PTPRF: variants seen among roughly 807,000 people sequenced by gnomAD.
The protein encoded by PTPRF is receptor-type tyrosine-protein phosphatase F.
In PTPRF, 59 loss-of-function variants were observed where a neutral mutation model predicts 201.8. The ratio of observed to expected loss-of-function variants is 0.29; its 90% CI spans 0.24 to 0.36. PTPRF has a LOEUF of 0.36. Among genes scored for constraint, PTPRF ranks in the 10% least tolerant of loss-of-function variants. The pLI is 1.00. For missense variants in PTPRF, 2,132 were observed against 2,690.5 expected (o/e 0.79, Z 4.59); for synonymous variants, 1,088 against 1,089.7 (o/e 1.00, Z 0.03).
chr1:43,582,965 G>A lies in PTPRF; in HGVS notation c.679+4045G>A, dbSNP rs147457880. The A allele has an allele frequency of 1.0e-3, 655 of 654,910 alleles. 5 individuals are homozygous for A. The African/African-American group carries it at 0.01, about 10-fold the overall frequency. The allele number at this position is 654,910 out of a possible 1,614,324, so 40.6% of individuals were successfully genotyped here. On this transcript the variant is annotated intron_variant, in intron 7 of 33. Transcript: ENST00000359947. ...AGGAGTCTCGTCTCGTCTCCGTGCT[G>A]TGTGGGCAGATGAAGGTTGGCCTGT... is the stretch of plus-strand genomic sequence containing the variant.
chr1:43,573,791 A>G (rs1172882590), intron 6 of PTPRF, among the ~76,000 whole-genome samples: 1 of 152,086 alleles, frequency 6.6e-6, no homozygotes, highest in Non-Finnish European at 1.5e-5. Flanking sequence ...TTCTTTCAGA[A>G]TAGGTTAGGT....
At chr1:43,543,683 T>C (rs1243721879) in intron 2 of PTPRF, among the ~76,000 whole-genome samples, 1 of 152,218 alleles carries the variant, frequency 6.6e-6, no homozygotes, top group African/African-American at 2.4e-5. Flanking sequence ...TGGAGCACCT[T>C]TGAGCCCTGC....
chr1:43,562,466 C>T (rs569793598), intron 5 of PTPRF, among the ~76,000 whole-genome samples: 79 of 152,034 alleles, frequency 5.2e-4, no homozygotes, highest in African/African-American at 1.7e-3. Context: ...AGTGCAGTGG[C>T]GTGATCTCGG....
intron 2 of PTPRF, among the ~76,000 whole-genome samples, chr1:43,543,680 C>T (rs1034049016): frequency 1.3e-5 from 2 of 152,208 alleles, no homozygotes; most frequent in Admixed American, 6.5e-5. Flanking sequence ...GACTGGAGCA[C>T]CTTTGAGCCC....
chr1:43,598,516 G>T, intron 12 of PTPRF: 1 of 575,816 alleles, frequency 1.7e-6, no homozygotes, highest in South Asian at 2.3e-5. Context: ...AGAGGGGTGG[G>T]CAGGGCCAGT....
At chr1:43,621,542 A>T (rs555511865) in intron 33 of PTPRF, among the ~76,000 whole-genome samples, 1 of 152,324 alleles carries the variant, frequency 6.6e-6, no homozygotes, top group African/African-American at 2.4e-5. Flanking sequence ...AAATGCTGCA[A>T]CATTGCCTGT....
intron 11 of PTPRF, among the ~76,000 whole-genome samples, chr1:43,595,217 TTTTG>T (rs1212015517): frequency 6.6e-6 from 1 of 152,112 alleles, no homozygotes; most frequent in Non-Finnish European, 1.5e-5. Flanking sequence ...TTTGTTTTGT[TTTTG>T]TTTTTTTGAG....
rs68193223 is a variant in PTPRF at position 43,615,551 on chromosome 1, C to CTTTTTTTTTTTTT, written c.4071+1854_4072-1864dup. Reference sequence around the variant, plus strand: ...AGCCAGGACCCCATAGCTCTGTTGTCTTTTTTTTTTTTTTTTTTTTTTTTT... The same window carrying CTTTTTTTTTTTTT: ...AGCCAGGACCCCATAGCTCTGTTGTCTTTTTTTTTTTTTTTTTTTTTTTTTTTTTTTTTTTTTT... On this transcript the variant is annotated intron_variant, in intron 23 of 33. Coordinates refer to ENST00000359947, the MANE Select transcript of PTPRF (RefSeq NM_002840.5). 2.4e-4 allele frequency among the ~76,000 whole-genome samples: 20 copies of CTTTTTTTTTTTTT among 84,156 alleles called. 1 individual carries two copies. Among genetic ancestry groups the CTTTTTTTTTTTTT allele is most frequent in the South Asian group, 5.9e-4 (1 of 1,706 alleles). The allele number at this position is 84,156 out of a possible 152,430, so 55.2% of individuals were successfully genotyped here. A position where few individuals can be genotyped will look rare whatever the true frequency, so the allele number is the denominator to read the frequency against.
intron 5 of PTPRF, among the ~76,000 whole-genome samples, chr1:43,564,456 CAT>C (rs1370603263): frequency 6.6e-6 from 1 of 152,192 alleles, no homozygotes; most frequent in Non-Finnish European, 1.5e-5. Context: ...CATGTCTCCA[CAT>C]GTGTGTTTGC....
At chr1:43,578,946 C>G in intron 7 of PTPRF, 26 bp downstream of exon 7, 1 of 1,604,974 alleles carries the variant, frequency 6.2e-7, no homozygotes, top group Non-Finnish European at 8.5e-7. Flanking sequence ...GTGCCTGGCC[C>G]CTGTCACCAC....
intron 11 of PTPRF, 58 bp downstream of exon 11, chr1:43,592,659 A>G (rs923111248): frequency 6.1e-6 from 9 of 1,465,250 alleles, no homozygotes; most frequent in Non-Finnish European, 7.3e-6. Flanking sequence ...ACACACACAC[A>G]TGCACACACA....
At chr1:43,568,305 A>G (rs556466524) in intron 5 of PTPRF, among the ~76,000 whole-genome samples, 2 of 151,962 alleles carry the variant, frequency 1.3e-5, no homozygotes, top group East Asian at 3.9e-4. Context: ...AAAAAAAAAA[A>G]AAAAGAAAAA....
intron 5 of PTPRF, among the ~76,000 whole-genome samples, chr1:43,557,762 G>A (rs1027465378): frequency 1.3e-5 from 2 of 152,190 alleles, no homozygotes; most frequent in African/African-American, 4.8e-5. Flanking sequence ...TGTGGCGCAA[G>A]TACCCAGACC....
chr1:43,612,196 G>T (rs533356230), intron 22 of PTPRF, among the ~76,000 whole-genome samples: 4 of 152,126 alleles, frequency 2.6e-5, no homozygotes, highest in African/African-American at 4.8e-5. Flanking sequence ...TGGGAGGACC[G>T]TTGGCTTTGG....
intron 17 of PTPRF, 47 bp from the exon 18 acceptor site, chr1:43,605,143 A>G: frequency 6.3e-7 from 1 of 1,576,878 alleles, no homozygotes; most frequent in Non-Finnish European, 8.6e-7. Flanking sequence ...AGCCCGTGGT[A>G]GGGAACCTCA....
chr1:43,534,460 G>A lies in PTPRF; in HGVS notation c.-126+3370G>A, dbSNP rs564715597. On this transcript the variant is annotated intron_variant, in intron 1 of 33. Coordinates refer to ENST00000359947, the MANE Select transcript of PTPRF (RefSeq NM_002840.5). ...GGTGGTAGCATGGTGCCATCTTGAAGGTACACTTGTCAGGACAGAATGATT... is the reference window on the plus strand; with the variant it reads ...GGTGGTAGCATGGTGCCATCTTGAAAGTACACTTGTCAGGACAGAATGATT... 5.3e-5 allele frequency among the ~76,000 whole-genome samples: 8 copies of A among 152,250 alleles called. No individual in the cohort carries two copies. In the South Asian group the frequency reaches 1.7e-3, roughly 32 times the overall value.
chr1:43,589,560 T>C (rs993978302), intron 8 of PTPRF, among the ~76,000 whole-genome samples: 4 of 151,970 alleles, frequency 2.6e-5, no homozygotes, highest in Non-Finnish European at 5.9e-5. Context: ...ATGTCACATA[T>C]ATGTAACCGA....
intron 5 of PTPRF, among the ~76,000 whole-genome samples, chr1:43,564,229 T>C (rs1646000620): frequency 6.6e-6 from 1 of 151,050 alleles, no homozygotes; most frequent in South Asian, 2.1e-4. Context: ...TCTGGGAGAG[T>C]GTGGGAGCGT....
intron 7 of PTPRF, among the ~76,000 whole-genome samples, chr1:43,584,189 G>A (rs1275140957): frequency 6.6e-6 from 1 of 152,178 alleles, no homozygotes; most frequent in Non-Finnish European, 1.5e-5. Context: ...TGTGGTCAGA[G>A]GAGACTCACC....
Sources: gnomAD v4.1 joint callset for allele counts (sites outside exome capture counted in the v4.1 genomes callset) on GRCh38, gnomAD v4.1.1 for gene constraint, MANE v1.5 for transcripts, NCBI Gene and HGNC (gene_info 2026-07-23, HGNC 2026-07-21) for gene names.